Variants in CCDC178 observed in about 807,000 individuals in gnomAD.
CCDC178 encodes the protein coiled-coil domain-containing protein 178.
In CCDC178, 126 loss-of-function variants were observed where a neutral mutation model predicts 117.4. The observed-to-expected ratio is 1.07, with a 90% CI of 0.93 to 1.24. The LOEUF (loss-of-function observed/expected upper bound fraction) is 1.24. CCDC178 is among the 50% of genes most tolerant of loss of function. CCDC178 has a pLI of 0.00. For synonymous variants in CCDC178, 283 were observed against 313.4 expected, an observed-to-expected ratio of 0.90 and a Z score of 1.02; for missense variants, 1,030 against 986.9, an observed-to-expected ratio of 1.04 and a Z score of -0.59.
chr18:33,095,901 T>C (rs2057535320), intron 20 of CCDC178, among the ~76,000 whole-genome samples: 1 of 152,018 alleles, frequency 6.6e-6, no homozygotes. Context: ...ACAAGAATTC[T>C]TTATTTTGGG....
At chr18:33,285,927 C>T (rs1410671850) in intron 12 of CCDC178, among the ~76,000 whole-genome samples, 2 of 150,844 alleles carry the variant, frequency 1.3e-5, no homozygotes, top group Non-Finnish European at 2.9e-5. Context: ...ACAAAATACA[C>T]ACATAAAAAG....
intron 12 of CCDC178, among the ~76,000 whole-genome samples, chr18:33,289,847 A>T (rs1386855554): frequency 6.6e-6 from 1 of 152,164 alleles, no homozygotes; most frequent in Non-Finnish European, 1.5e-5. Context: ...GGATCACAAA[A>T]TCCCTAAACT....
At chr18:33,095,765 G>T (rs2057532580) in intron 20 of CCDC178, among the ~76,000 whole-genome samples, 1 of 151,506 alleles carries the variant, frequency 6.6e-6, no homozygotes, top group Non-Finnish European at 1.5e-5. Flanking sequence ...TACTACTTGA[G>T]AGGTGTATAT....
intron 20 of CCDC178, among the ~76,000 whole-genome samples, chr18:33,116,303 C>T (rs1432680419): frequency 6.6e-6 from 1 of 152,088 alleles, no homozygotes; most frequent in Non-Finnish European, 1.5e-5. Flanking sequence ...ACCAAGGTTC[C>T]AAAGAGTAGT....
chr18:33,330,998 G>GGCC (rs921642683), intron 10 of CCDC178, among the ~76,000 whole-genome samples: 9 of 137,224 alleles, frequency 6.6e-5, no homozygotes, highest in Non-Finnish European at 1.4e-4. Context: ...CTGTCATTTT[G>GGCC]GCCCTGATAA....
chr18:33,311,442 T>C (rs2062340936), intron 11 of CCDC178, among the ~76,000 whole-genome samples: 1 of 152,232 alleles, frequency 6.6e-6, no homozygotes, highest in South Asian at 2.1e-4. Context: ...CAATGGGCTA[T>C]TGTTCTCCAG....
chr18:32,963,420 T>C (rs1316140570), intron 22 of CCDC178, among the ~76,000 whole-genome samples: 2 of 152,048 alleles, frequency 1.3e-5, no homozygotes. Flanking sequence ...TCCTGGCCAA[T>C]TGTAAAGTTT....
intron 20 of CCDC178, among the ~76,000 whole-genome samples, chr18:33,125,506 G>A (rs1442145079): frequency 6.6e-6 from 1 of 152,072 alleles, no homozygotes; most frequent in Non-Finnish European, 1.5e-5. Flanking sequence ...AAATTAAGTG[G>A]TGCAAAATCT....
At chr18:33,098,697 G>T (rs761177154) in intron 20 of CCDC178, among the ~76,000 whole-genome samples, 1 of 151,888 alleles carries the variant, frequency 6.6e-6, no homozygotes, top group Non-Finnish European at 1.5e-5. Context: ...AGTATTTATT[G>T]ATTGATTTTA....
At chr18:32,943,915 G>A (rs1015002762) in intron 22 of CCDC178, among the ~76,000 whole-genome samples, 2 of 152,156 alleles carry the variant, frequency 1.3e-5, no homozygotes, top group Non-Finnish European at 2.9e-5. Context: ...ATGAGATCTC[G>A]TAGTTACTTT....
chr18:33,273,858 A>G (rs768564214), intron 12 of CCDC178, among the ~76,000 whole-genome samples: 5 of 151,922 alleles, frequency 3.3e-5, no homozygotes, highest in Admixed American at 1.3e-4. Flanking sequence ...CAAAGATAAA[A>G]TAGATAAATA....
At chr18:33,430,936 G>T (rs533652758) in intron 2 of CCDC178, among the ~76,000 whole-genome samples, 1 of 151,904 alleles carries the variant, frequency 6.6e-6, no homozygotes, top group South Asian at 2.1e-4. Context: ...TTAGCCGGGC[G>T]CGGTGGTGGG....
intron 20 of CCDC178, among the ~76,000 whole-genome samples, chr18:33,096,694 G>A (rs868497168): frequency 7.9e-5 from 12 of 152,100 alleles, no homozygotes; most frequent in Admixed American, 6.6e-4. Context: ...TAACATAGCC[G>A]GTGCCTATCA....
chr18:33,144,971 C>A (rs1250225031), intron 20 of CCDC178, among the ~76,000 whole-genome samples: 1 of 152,088 alleles, frequency 6.6e-6, no homozygotes, highest in Non-Finnish European at 1.5e-5. Context: ...AAGGACTAGG[C>A]AAATATATTT....
chr18:32,966,018 T>C (rs918964133), intron 22 of CCDC178, among the ~76,000 whole-genome samples: 45 of 150,538 alleles, frequency 3.0e-4, no homozygotes, highest in African/African-American at 1.1e-3. Context: ...TATTTTTATG[T>C]AGTCAAATTT....
chr18:33,243,083 A>G (rs2059507697), intron 15 of CCDC178, among the ~76,000 whole-genome samples: 1 of 151,944 alleles, frequency 6.6e-6, no homozygotes, highest in Admixed American at 6.6e-5. Context: ...GAAAGAATGA[A>G]ATCCTATCAT....
intron 14 of CCDC178, among the ~76,000 whole-genome samples, chr18:33,251,925 T>G (rs897173654): frequency 4.6e-5 from 7 of 151,630 alleles, no homozygotes; most frequent in Non-Finnish European, 8.9e-5. Context: ...AAAAACACAG[T>G]CTTGAATGTT....
chr18:33,270,690 T>C (rs1251732029), intron 12 of CCDC178, among the ~76,000 whole-genome samples: 3 of 151,554 alleles, frequency 2.0e-5, no homozygotes, highest in Non-Finnish European at 3.0e-5. Flanking sequence ...TAATCAAATA[T>C]TGGGATAAAC....
At chr18:33,328,443 A>G (rs1039988872) in intron 10 of CCDC178, among the ~76,000 whole-genome samples, 1 of 152,004 alleles carries the variant, frequency 6.6e-6, no homozygotes, top group Non-Finnish European at 1.5e-5. Flanking sequence ...TTAAGCTCTT[A>G]TATTTATGTC....
Sources: gnomAD v4.1 joint callset for allele counts (sites outside exome capture counted in the v4.1 genomes callset) on GRCh38, gnomAD v4.1.1 for gene constraint, MANE v1.5 for transcripts, NCBI Gene and HGNC (gene_info 2026-07-23, HGNC 2026-07-21) for gene names.